The following PFKP variants were observed in gnomAD, a reference collection of about 807,000 sequenced individuals.
PFKP encodes the protein phosphofructokinase, platelet, also known as ATP-dependent 6-phosphofructokinase, platelet type.
A neutral mutation model predicts 94.3 loss-of-function variants in PFKP; 101 were observed. That is an observed-to-expected ratio of 1.07 (90% CI 0.91 to 1.26). The LOEUF is 1.26. Ranked by LOEUF, PFKP falls within the 50% of genes most tolerant of loss-of-function variation. The pLI is 0.00. For synonymous variants in PFKP, 573 were observed against 432.6 expected (o/e 1.32, Z -4.03); for missense variants, 1,145 against 1,103.3 (o/e 1.04, Z -0.53).
At chr10:3,105,037 T>G (rs1835396804) in intron 5 of PFKP, 78 bp from the exon 6 acceptor site, 2 of 1,378,992 alleles carry the variant, frequency 1.5e-6, no homozygotes, top group East Asian at 2.3e-5. Context: ...TCTGAGCTGT[T>G]TCCAGGACTG....
At chr10:3,075,661 A>C (rs775968653) in intron 1 of PFKP, among the ~76,000 whole-genome samples, 2 of 149,442 alleles carry the variant, frequency 1.3e-5, no homozygotes, top group Non-Finnish European at 3.0e-5. Flanking sequence ...CCAGCCCTTC[A>C]GGAGCCCAAG....
In PFKP at chr10:3,135,752, C is replaced by G; in HGVS notation, c.2139C>G (p.Thr713=). ...EARGRGKKFT[T]DDSICVLGIS... ...CTTTTATAGGAAAAAAATTTACCAC[C>G]GATGATTCCATTTGTGTGCTGGGAA... The change falls in exon 21 of 22, where the codon ACC becomes ACG. Residue 713 remains threonine (T), a synonymous_variant. Coordinates refer to ENST00000381125, the MANE Select transcript of PFKP (RefSeq NM_002627.5). The G allele has an allele frequency of 1.2e-6, 2 of 1,610,222 alleles. No individual in the cohort carries two copies. Among genetic ancestry groups the G allele is most frequent in the Non-Finnish European group, 1.7e-6 (2 of 1,177,002 alleles).
chr10:3,100,628 A>C (rs1834900192), intron 3 of PFKP, among the ~76,000 whole-genome samples: 1 of 152,068 alleles, frequency 6.6e-6, no homozygotes, highest in South Asian at 2.1e-4. Flanking sequence ...TGTGCTTATG[A>C]GCACCTTGCT....
intron 3 of PFKP, among the ~76,000 whole-genome samples, chr10:3,099,667 A>C (rs1023614786): frequency 6.6e-6 from 1 of 152,210 alleles, no homozygotes; most frequent in Non-Finnish European, 1.5e-5. Context: ...ACACATCAGA[A>C]GAGAGGTGGA....
At chr10:3,102,960 C>G (rs541005934) in intron 4 of PFKP, among the ~76,000 whole-genome samples, 24 of 152,328 alleles carry the variant, frequency 1.6e-4, no homozygotes, top group African/African-American at 5.8e-4. Flanking sequence ...AGTCCGGGCC[C>G]AAGCTTGCCC....
chr10:3,114,123 G>C (rs982528461), intron 13 of PFKP, among the ~76,000 whole-genome samples: 1 of 151,666 alleles, frequency 6.6e-6, no homozygotes, highest in Non-Finnish European at 1.5e-5. Flanking sequence ...TTGTTTATCT[G>C]ATTAGCCAAC....
chr10:3,132,532 C>CA, intron 18 of PFKP, 91 bp downstream of exon 18: 2 of 897,536 alleles, frequency 2.2e-6, no homozygotes, highest in East Asian at 2.4e-5. Context: ...GATGAGTGGT[C>CA]ATTTCTTTGC....
intron 8 of PFKP, 55 bp downstream of exon 8, chr10:3,107,364 G>T (rs895984513): frequency 4.9e-5 from 53 of 1,077,928 alleles, no homozygotes; most frequent in Admixed American, 8.8e-5. Flanking sequence ...AGCAGGGGAG[G>T]CTAGCGTCAT....
intron 2 of PFKP, among the ~76,000 whole-genome samples, chr10:3,084,721 C>A (rs1330374843): frequency 7.5e-6 from 1 of 132,672 alleles, no homozygotes; most frequent in East Asian, 2.4e-4. Flanking sequence ...CCAGGAGAGT[C>A]CTCCAGCCCC....
intron 2 of PFKP, among the ~76,000 whole-genome samples, chr10:3,087,695 CAGCCTGGGGATCAGCTCATTTG>C (rs1833707131): frequency 6.6e-6 from 1 of 152,152 alleles, no homozygotes; most frequent in Non-Finnish European, 1.5e-5. Context: ...AAGATAGGAG[CAGCCTGGGGATCAGCTCATTTG>C]AGCCCAAATT....
intron 2 of PFKP, among the ~76,000 whole-genome samples, chr10:3,095,224 C>T (rs1200055154): frequency 3.5e-5 from 3 of 85,650 alleles, no homozygotes; most frequent in Non-Finnish European, 1.0e-4. Flanking sequence ...ATGAGACGTC[C>T]GAGAAAGCCA....
Position 3,101,420 on chromosome 10 carries a change from G to A in PFKP, c.320G>A (p.Arg107His), listed in dbSNP as rs151006847. Reference protein sequence around the residue: ...RCQAFRTREGRLKAACNLLQR... With the variant: ...RCQAFRTREGHLKAACNLLQR... ...CAGGCCTTCCGCACGCGGGAAGGCC[G>A]CCTGAAGGCTGCTTGCAACCTGCTG... The change falls in exon 4 of 22, where the codon CGC (arginine) becomes CAC (histidine). Residue 107 changes from arginine (R) to histidine (H), a missense_variant. Around this residue, in one of 3 missense-constraint regions of PFKP, gnomAD observed 1,119 missense variants for 1,062.8 expected, o/e 1.05. Coordinates refer to ENST00000381125, the MANE Select transcript of PFKP (RefSeq NM_002627.5). 3.2e-5 allele frequency: 52 copies of A among 1,606,358 alleles called. No individual in the cohort carries two copies. The highest frequency in any genetic ancestry group is 1.6e-4 in the African/African-American group (12 of 74,764).
intron 2 of PFKP, 90 bp downstream of exon 2, chr10:3,082,551 A>G (rs1833169407): frequency 1.2e-6 from 1 of 866,870 alleles, no homozygotes; most frequent in South Asian, 1.9e-5. Context: ...TGCCTCCCCC[A>G]TGCTGAGCAC....
At chr10:3,094,748 C>T (rs747739053) in intron 2 of PFKP, among the ~76,000 whole-genome samples, 10 of 152,132 alleles carry the variant, frequency 6.6e-5, no homozygotes, top group Non-Finnish European at 1.5e-4. Context: ...CCTAGAGAGC[C>T]GTTCAGAGCT....
chr10:3,130,077 G>A lies in PFKP; in HGVS notation c.1848+94G>A, dbSNP rs546443240. On this transcript the variant is annotated intron_variant, in intron 17 of 21. Coordinates refer to ENST00000381125, the MANE Select transcript of PFKP (RefSeq NM_002627.5). ...GTGTCTAGGGTGGTTTGCTTTCCAA[G>A]GGGCATGGAGATGGAGATGCTACAG... 8.2e-4 allele frequency: 918 copies of A among 1,124,820 alleles called. 8 individuals are homozygous for A. The African/African-American group carries it at 0.013, about 16-fold the overall frequency. 69.7% of individuals were successfully genotyped at this position (1,124,820 alleles called of 1,614,324 possible). A position where few individuals can be genotyped will look rare whatever the true frequency, so the allele number is the denominator to read the frequency against.
At chr10:3,079,419 A>C (rs1832852097) in intron 1 of PFKP, among the ~76,000 whole-genome samples, 1 of 151,908 alleles carries the variant, frequency 6.6e-6, no homozygotes, top group Non-Finnish European at 1.5e-5. Flanking sequence ...TATTTTTAGT[A>C]GAGACGGGGT....
chr10:3,124,794 C>T (rs1033633487), intron 16 of PFKP, among the ~76,000 whole-genome samples: 23 of 152,320 alleles, frequency 1.5e-4, no homozygotes, highest in East Asian at 9.6e-4. Flanking sequence ...CTGTCCCACT[C>T]GTGACTAACT....
intron 7 of PFKP, 96 bp from the exon 8 acceptor site, chr10:3,107,118 G>A: frequency 1.3e-6 from 1 of 750,812 alleles, no homozygotes; most frequent in Non-Finnish European, 2.4e-6. Flanking sequence ...CCAGAAAGAG[G>A]CCAGTTCAGT....
At chr10:3,108,650 C>T (rs1420433101) in intron 8 of PFKP, 51 bp from the exon 9 acceptor site, 2 of 1,367,382 alleles carry the variant, frequency 1.5e-6, no homozygotes, top group Admixed American at 1.7e-5. Flanking sequence ...CAGATCTGGG[C>T]TGCTGTGTCC....
Sources: gnomAD v4.1 joint callset for allele counts (sites outside exome capture counted in the v4.1 genomes callset) on GRCh38, gnomAD v4.1.1 for gene constraint, gnomAD v4.1.1 regional missense constraint, MANE v1.5 for transcripts, NCBI Gene and HGNC (gene_info 2026-07-23, HGNC 2026-07-21) for gene names.